PLCH2: variants seen among roughly 807,000 people sequenced by gnomAD.
PLCH2 encodes the protein phospholipase C eta 2.
Under a neutral mutation model 134.7 loss-of-function variants are expected in PLCH2, and 98 were observed. That is an observed-to-expected ratio of 0.73 (90% CI 0.62 to 0.86). The LOEUF (loss-of-function observed/expected upper bound fraction) is 0.86. Among genes scored for constraint, PLCH2 ranks in the 40% least tolerant of loss-of-function variants. PLCH2 has a pLI of 0.00. For missense variants in PLCH2, 1,994 were observed against 1,986.6 expected (o/e 1.00, Z -0.07); for synonymous variants, 974 against 827.5 (o/e 1.18, Z -3.04).
intron 1 of PLCH2, among the ~76,000 whole-genome samples, chr1:2,478,134 C>T (rs1214913474): frequency 6.6e-6 from 1 of 152,204 alleles, no homozygotes; most frequent in African/African-American, 2.4e-5. Context: ...ACCAGGGCTG[C>T]TAGGACTGGT....
chr1:2,491,484 C>G (rs1471408102), intron 11 of PLCH2, 149 bp downstream of exon 11: 11 of 811,054 alleles, frequency 1.4e-5, no homozygotes, highest in African/African-American at 3.4e-5. Flanking sequence ...CTGTACACAC[C>G]TCCGCACACA....
chr1:2,466,772 G>C (rs75257453), upstream of PLCH2, among the ~76,000 whole-genome samples: 2,099 of 152,338 alleles, frequency 0.014, 39 homozygotes, highest in African/African-American at 0.04. Context: ...GCGCGTGCAG[G>C]GGGAGGCAGA....
chr1:2,481,893 G>T (rs1641990493), intron 4 of PLCH2, among the ~76,000 whole-genome samples: 3 of 152,268 alleles, frequency 2.0e-5, no homozygotes. Flanking sequence ...CTGAGAAGTG[G>T]CATCAGCTTC....
chr1:2,445,486 G>A (rs761509837), intron 2 of PLCH2, among the ~76,000 whole-genome samples: 20 of 151,750 alleles, frequency 1.3e-4, no homozygotes, highest in Non-Finnish European at 2.5e-4. Flanking sequence ...GGTGGCCTTG[G>A]CCTCAGATCC....
At chr1:2,470,710 C>A (rs965281922) in intron 1 of PLCH2, among the ~76,000 whole-genome samples, 1 of 152,166 alleles carries the variant, frequency 6.6e-6, no homozygotes, top group Non-Finnish European at 1.5e-5. Flanking sequence ...GACCACTTGG[C>A]CCGAGGACCC....
At chr1:2,443,911 C>T (rs1033320525) in intron 2 of PLCH2, among the ~76,000 whole-genome samples, 1 of 151,632 alleles carries the variant, frequency 6.6e-6, no homozygotes, top group Non-Finnish European at 1.5e-5. Context: ...CCGCCGCCCT[C>T]GCTGCCCTCG....
intron 2 of PLCH2, among the ~76,000 whole-genome samples, chr1:2,446,475 CT>C (rs1432600465): frequency 6.6e-6 from 1 of 152,216 alleles, no homozygotes; most frequent in East Asian, 1.9e-4. Flanking sequence ...AGGCCCCTCC[CT>C]CCCCCCAGCT....
In PLCH2 at chr1:2,497,596, G is replaced by T; in HGVS notation, c.2211G>T (p.Gly737=). 1 of 1,558,738 alleles carries T rather than the reference G, an allele frequency of 6.4e-7. No homozygotes were observed. Among genetic ancestry groups the T allele is most frequent in the Non-Finnish European group, 8.7e-7 (1 of 1,151,398 alleles). Residue 737 remains glycine (G), a synonymous_variant, in exon 16 of 22, where the codon GGG becomes GGT. Coordinates refer to ENST00000378486, the MANE Select transcript of PLCH2 (RefSeq NM_014638.4). Reference sequence around the variant, plus strand: ...GCTGCGGCTACGTACTCAAGCCTGGGTGCATGTGCCAGGGTGAGGCACTCG... The same window carrying T: ...GCTGCGGCTACGTACTCAAGCCTGGTTGCATGTGCCAGGGTGAGGCACTCG... The part of the protein sequence containing the change: ...NGGCGYVLKP[G]CMCQGVFNPN...
intron 2 of PLCH2, among the ~76,000 whole-genome samples, chr1:2,460,289 C>T (rs1222579691): frequency 6.6e-6 from 1 of 152,274 alleles, no homozygotes; most frequent in Non-Finnish European, 1.5e-5. Context: ...GACCACTGCT[C>T]TGTGTCTCCC....
At position 2,502,097 on chromosome 1, in the gene PLCH2, C is replaced by G; in HGVS notation, c.2662-15C>G. ...GGACCCCTGGCAACAGCTACATGGG[C>G]TCCTTCTCTTGCAGGTCAAGCAGGC... On this transcript the variant is annotated splice_polypyrimidine_tract_variant and intron_variant, in intron 20 of 21. Transcript: ENST00000378486. 2 of 1,427,594 alleles carry G rather than the reference C, an allele frequency of 1.4e-6. No individual in the cohort carries two copies. The highest frequency in any genetic ancestry group is 2.7e-5 in the East Asian group (1 of 37,422). 88.4% of individuals were successfully genotyped at this position (1,427,594 alleles called of 1,614,324 possible).
chr1:2,481,043 T>G (rs368347933), intron 4 of PLCH2, among the ~76,000 whole-genome samples: 39 of 152,204 alleles, frequency 2.6e-4, no homozygotes, highest in African/African-American at 8.9e-4. Context: ...TGCACGTGCA[T>G]AAATACACGC....
At chr1:2,467,755 C>G (rs970043428) in intron 1 of PLCH2, 2 of 399,998 alleles carry the variant, frequency 5.0e-6, no homozygotes, top group Non-Finnish European at 8.8e-6. Context: ...CGCCCAGGAC[C>G]GGACCTGTTC....
At position 2,433,043 on chromosome 1, in the gene PLCH2, C is replaced by T. The variant is rs573923733; in HGVS notation, c.115+2414C>T. ...CCCCTCCCATCCCTGAGGTTGGGGC[C>T]GTGTTTCCCTCTGGGAGGATCGAAC... On this transcript the variant is annotated intron_variant, in intron 2 of 3. Coordinates refer to the PLCH2 transcript ENST00000609981. Among the ~76,000 whole-genome samples, 320 of 152,328 alleles carry T rather than the reference C, an allele frequency of 2.1e-3. 2 individuals carry two copies. The highest frequency in any genetic ancestry group is 3.5e-3 in the Non-Finnish European group (241 of 68,010).
the PLCH2 span, among the ~76,000 whole-genome samples, chr1:2,417,961 C>T: frequency 1.3e-5 from 2 of 152,320 alleles, no homozygotes; most frequent in East Asian, 3.9e-4. Flanking sequence ...CGGGGCCTGC[C>T]TCGGACCCCC....
upstream of PLCH2, among the ~76,000 whole-genome samples, chr1:2,467,133 G>T (rs1641092805): frequency 6.6e-6 from 1 of 152,050 alleles, no homozygotes. Flanking sequence ...GGAGCATTTG[G>T]CTCTGGTCCT....
intron 2 of PLCH2, among the ~76,000 whole-genome samples, chr1:2,458,584 C>G (rs941597484): frequency 3.9e-5 from 6 of 152,174 alleles, no homozygotes; most frequent in Admixed American, 6.5e-5. Context: ...GGTGTGACCC[C>G]TGCTTCCTGG....
chr1:2,503,162 A>C, intron 21 of PLCH2: 1 of 631,730 alleles, frequency 1.6e-6, no homozygotes, highest in Non-Finnish European at 2.9e-6. Context: ...GCTGGGAAGA[A>C]CCAGCTGCTC....
In PLCH2 at chr1:2,498,564, C is replaced by A. The variant is rs542280211; in HGVS notation, c.2266C>A (p.Leu756Ile). The change falls in exon 17 of 22, where the codon CTC (leucine) becomes ATC (isoleucine). Residue 756 changes from leucine (L) to isoleucine (I), a missense_variant. By Grantham distance (5) the Leu-to-Ile change is conservative (BLOSUM62 2). Around this residue, in one of 2 missense-constraint regions of PLCH2, gnomAD observed 1,094 missense variants for 1,234.3 expected, o/e 0.89. Transcript: ENST00000378486. The surrounding 1 kb of genome is among the most constrained non-coding windows in gnomAD (Gnocchi z 5.4). ...CTCGGAGGACCCCCTGCCCGGGCAG[C>A]TCAAGAAGCAGCTGGTGCTCCGGAT... is the stretch of plus-strand genomic sequence containing the variant. ...PNSEDPLPGQ[L>I]KKQLVLRIIS... is the part of the protein sequence containing the mutation. 1.2e-6 allele frequency: 2 copies of A among 1,606,564 alleles called. No homozygotes were observed. The highest frequency in any genetic ancestry group is 3.4e-5 in the Admixed American group (2 of 59,620).
intron 2 of PLCH2, among the ~76,000 whole-genome samples, chr1:2,443,796 G>T (rs950303685): frequency 1.4e-5 from 2 of 147,720 alleles, no homozygotes; most frequent in African/African-American, 4.9e-5. Flanking sequence ...CGCACAGCCC[G>T]CCGCGGGCCG....
Sources: allele counts gnomAD v4.1 joint callset (sites outside exome capture counted in the v4.1 genomes callset), GRCh38; gene constraint gnomAD v4.1.1; regional missense constraint gnomAD v4.1.1; non-coding constraint Gnocchi (gnomAD v3.1); transcripts MANE v1.5; gene names NCBI Gene and HGNC (gene_info 2026-07-23, HGNC 2026-07-21).